The following ADCYAP1R1 variants were observed in gnomAD, a reference collection of about 807,000 sequenced individuals.
ADCYAP1R1 encodes the protein ADCYAP receptor type I, also known as pituitary adenylate cyclase-activating polypeptide type I receptor.
A neutral mutation model predicts 67.6 loss-of-function variants in ADCYAP1R1; 44 were observed. The observed-to-expected ratio is 0.65, with a 90% CI of 0.51 to 0.84. The LOEUF is 0.84. ADCYAP1R1 is among the 40% of genes least tolerant of loss of function. ADCYAP1R1 has a pLI of 0.00. For synonymous variants in ADCYAP1R1, 222 were observed against 219.6 expected (o/e 1.01, Z -0.10); for missense variants, 477 against 587.9 (o/e 0.81, Z 1.95).
rs1009715936 is a variant in ADCYAP1R1, at chr7:31,110,361, C to G, written c.*3677C>G. 1 of 152,146 alleles carries G rather than the reference C, an allele frequency of 6.6e-6. No individual in the cohort carries two copies. Among genetic ancestry groups the G allele is most frequent in the Non-Finnish European group, 1.5e-5 (1 of 68,028 alleles). The allele number at this position is 152,146 out of a possible 1,614,324, so 9.4% of individuals were successfully genotyped here. A position where few individuals can be genotyped will look rare whatever the true frequency, so the allele number is the denominator to read the frequency against. On this transcript the variant is annotated 3_prime_UTR_variant, in exon 16 of 16. Coordinates refer to ENST00000304166, the MANE Select transcript of ADCYAP1R1 (RefSeq NM_001118.5). ...ACGCTTTGCTCCTGGCTTGTTTGAC[C>G]TTGACTCATTCCCCATATGTCTTTG...
chr7:31,067,491 C>G (rs78861606), intron 3 of ADCYAP1R1, among the ~76,000 whole-genome samples: 1 of 151,480 alleles, frequency 6.6e-6, no homozygotes, highest in African/African-American at 2.4e-5. Context: ...TCTGTGCCAG[C>G]ACTTCATTCT....
In ADCYAP1R1 at chr7:31,087,493, G is replaced by GT. The variant is rs1428054317; in HGVS notation, c.885-132dup. ...GTCTGTAGCCCGCTGGAGAGCTCTT[G>GT]TTCCAGCCAGCCCCTCCTCAGAGAG... On this transcript the variant is annotated intron_variant, in intron 11 of 15. Transcript: ENST00000304166. 4.0e-6 allele frequency: 3 copies of GT among 758,898 alleles called. No individual in the cohort carries two copies. In the Admixed American group the frequency reaches 6.8e-5, roughly 17 times the overall value. The allele number at this position is 758,898 out of a possible 1,614,324, so 47.0% of individuals were successfully genotyped here. A position where few individuals can be genotyped will look rare whatever the true frequency, so the allele number is the denominator to read the frequency against.
At chr7:31,094,124 C>CT (rs1175706081) in intron 13 of ADCYAP1R1, among the ~76,000 whole-genome samples, 1 of 152,122 alleles carries the variant, frequency 6.6e-6, no homozygotes, top group African/African-American at 2.4e-5. Context: ...GGAAAAAGTG[C>CT]TTTTTTTCCT....
chr7:31,092,601 C>T, intron 12 of ADCYAP1R1, 43 bp from the exon 13 acceptor site: 1 of 1,516,020 alleles, frequency 6.6e-7, no homozygotes, highest in Non-Finnish European at 9.1e-7. Context: ...AGCATCTTTG[C>T]CCAGAATCAT....
At chr7:31,074,706 A>G (rs1472347067) in intron 3 of ADCYAP1R1, among the ~76,000 whole-genome samples, 1 of 152,236 alleles carries the variant, frequency 6.6e-6, no homozygotes, top group Non-Finnish European at 1.5e-5. Flanking sequence ...GTCTCTTTCA[A>G]GGACATGATG....
At chr7:31,100,841 C>T (rs2267741) in intron 13 of ADCYAP1R1, among the ~76,000 whole-genome samples, 1 of 152,308 alleles carries the variant, frequency 6.6e-6, no homozygotes, top group East Asian at 1.9e-4. Context: ...CAGATTTATT[C>T]AATTTGGACA....
At chr7:31,064,367 C>T (rs534710501) in intron 2 of ADCYAP1R1, among the ~76,000 whole-genome samples, 2 of 152,262 alleles carry the variant, frequency 1.3e-5, no homozygotes, top group Admixed American at 1.3e-4. Flanking sequence ...CTCCTGGGTT[C>T]GAATCCTGGC....
At chr7:31,068,140 G>A (rs999040084) in intron 3 of ADCYAP1R1, among the ~76,000 whole-genome samples, 7 of 152,110 alleles carry the variant, frequency 4.6e-5, no homozygotes, top group African/African-American at 7.2e-5. Flanking sequence ...GGTGGGCACC[G>A]TAACAGCCAG....
intron 1 of ADCYAP1R1, among the ~76,000 whole-genome samples, chr7:31,058,516 C>A (rs1794355580): frequency 6.6e-6 from 1 of 152,148 alleles, no homozygotes; most frequent in Non-Finnish European, 1.5e-5. Flanking sequence ...ACATCCCATT[C>A]CTGCCAGGCA....
intron 12 of ADCYAP1R1, 152 bp from the exon 13 acceptor site, chr7:31,092,492 G>C (rs1377814819): frequency 6.1e-6 from 4 of 656,182 alleles, no homozygotes; most frequent in Non-Finnish European, 2.7e-6. Context: ...TACTGTGGGA[G>C]GCTGGAGAGA....
chr7:31,063,699 C>T (rs1327169478), intron 2 of ADCYAP1R1, among the ~76,000 whole-genome samples: 1 of 152,132 alleles, frequency 6.6e-6, no homozygotes, highest in African/African-American at 2.4e-5. Context: ...TCAGGTCTCT[C>T]CCTGAGTGAA....
intron 13 of ADCYAP1R1, among the ~76,000 whole-genome samples, chr7:31,094,579 G>C (rs761456450): frequency 6.6e-6 from 1 of 151,808 alleles, no homozygotes; most frequent in Non-Finnish European, 1.5e-5. Flanking sequence ...CTCTTCTCTG[G>C]GGGGGTCCTC....
At chr7:31,101,906 C>T (rs1205611191) in intron 13 of ADCYAP1R1, among the ~76,000 whole-genome samples, 5 of 152,208 alleles carry the variant, frequency 3.3e-5, no homozygotes, top group East Asian at 1.9e-4. Flanking sequence ...GTGAGCAGGG[C>T]GGAAAGGGTG....
chr7:31,080,074 G>A (rs1399171910), intron 4 of ADCYAP1R1, among the ~76,000 whole-genome samples: 4 of 152,168 alleles, frequency 2.6e-5, no homozygotes, highest in South Asian at 2.1e-4. Context: ...GCCAGACTCC[G>A]TCTTCTCAAC....
At chr7:31,067,234 A>T (rs1048912293) in intron 3 of ADCYAP1R1, among the ~76,000 whole-genome samples, 2 of 152,190 alleles carry the variant, frequency 1.3e-5, no homozygotes, top group Non-Finnish European at 2.9e-5. Flanking sequence ...AGGATCCCTC[A>T]TCTATCCCTA....
rs991815998 is a variant in ADCYAP1R1 at position 31,110,459 on chromosome 7, T to G, written c.*3775T>G. The G allele has an allele frequency of 9.2e-5, 14 of 152,142 alleles. No individual in the cohort carries two copies. The highest frequency in any genetic ancestry group is 3.1e-4 in the African/African-American group (13 of 41,436). 9.4% of individuals were successfully genotyped at this position (152,142 alleles called of 1,614,324 possible). ...AGGTCAAACCTCCCCATTGGGCTGA[T>G]GAGAAAATACACGCAGGCCTAGCAT... On this transcript the variant is annotated 3_prime_UTR_variant, in exon 16 of 16. Transcript: ENST00000304166.
rs1796652007 is a variant in ADCYAP1R1 at position 31,106,482 on chromosome 7, T to A, written c.1219-14T>A. ...TGTCCATCTGGAAGTGACCGCCCAG[T>A]TTGCTCCCTGCAGGTACAAGCGGAG... On this transcript the variant is annotated splice_polypyrimidine_tract_variant and intron_variant, in intron 15 of 15. Transcript: ENST00000304166. 2 of 1,593,202 alleles carry A rather than the reference T, an allele frequency of 1.3e-6. No individual in the cohort carries two copies. Among genetic ancestry groups the A allele is most frequent in the Non-Finnish European group, 1.7e-6 (2 of 1,169,140 alleles).
In ADCYAP1R1 at chr7:31,103,255, C is replaced by G; in HGVS notation, c.1065C>G (p.Thr355=). The G allele has an allele frequency of 6.2e-7, 1 of 1,614,080 alleles. No homozygotes were observed. The highest frequency in any genetic ancestry group is 8.5e-7 in the Non-Finnish European group (1 of 1,179,978). ...CCGACAGGCGACTGGCCCGGTCCAC[C>G]CTGCTGCTCATCCCACTATTCGGAA... ...SSIYLRLARS[T]LLLIPLFGIH... Residue 355 remains threonine, a synonymous_variant, in exon 14 of 16, where the codon ACC becomes ACG. Transcript: ENST00000304166.
At chr7:31,089,450 A>G (rs1274498957) in intron 12 of ADCYAP1R1, among the ~76,000 whole-genome samples, 2 of 145,894 alleles carry the variant, frequency 1.4e-5, no homozygotes, top group Non-Finnish European at 3.0e-5. Context: ...TTAATCAGGA[A>G]TGGGTATTGA....
Sources: gnomAD v4.1 joint callset for allele counts (sites outside exome capture counted in the v4.1 genomes callset) on GRCh38, gnomAD v4.1.1 for gene constraint, MANE v1.5 for transcripts, NCBI Gene and HGNC (gene_info 2026-07-23, HGNC 2026-07-21) for gene names.